LHFPL4: variants seen among roughly 807,000 people sequenced by gnomAD.
LHFPL4 encodes the protein LHFPL tetraspan subfamily member 4, also known as LHFPL tetraspan subfamily member 4 protein.
A neutral mutation model predicts 20.0 loss-of-function variants in LHFPL4; 6 were observed. The observed-to-expected ratio is 0.30, with a 90% CI of 0.16 to 0.59. The LOEUF is 0.59. Ranked by LOEUF, LHFPL4 falls within the 20% of genes least tolerant of loss-of-function variation. LHFPL4 has a pLI of 0.88. For synonymous variants in LHFPL4, 129 were observed against 143.8 expected (o/e 0.90, Z 0.74); for missense variants, 215 against 331.2 (o/e 0.65, Z 2.72).
At chr3:9,524,666 G>T (rs7632495) in intron 2 of LHFPL4, among the ~76,000 whole-genome samples, 1 of 152,014 alleles carries the variant, frequency 6.6e-6, no homozygotes, top group East Asian at 1.9e-4. Context: ...TAATTTATTT[G>T]TCAGAGCCAT....
Position 9,498,488 on chromosome 3 carries a change from C to G in LHFPL4, c.*3723G>C, listed in dbSNP as rs571977528. The G allele has an allele frequency of 6.5e-6, 1 of 152,886 alleles. No individual in the cohort carries two copies. Among genetic ancestry groups the G allele is most frequent in the East Asian group, 1.9e-4 (1 of 5,186 alleles). 9.5% of individuals were successfully genotyped at this position (152,886 alleles called of 1,614,324 possible). A position where few individuals can be genotyped will look rare whatever the true frequency, so the allele number is the denominator to read the frequency against. On this transcript the variant is annotated 3_prime_UTR_variant, in exon 4 of 4. Transcript: ENST00000287585. ...AATTAGACAATGAACAGCGAGGACA[C>G]ACTCAGACAAAACTTACTAATGGGG...
Position 9,502,095 on chromosome 3 carries a change from G to T in LHFPL4, c.*116C>A. 1.3e-6 allele frequency: 1 copy of T among 753,662 alleles called. No homozygotes were observed. Among genetic ancestry groups the T allele is most frequent in the Non-Finnish European group, 2.3e-6 (1 of 430,234 alleles). The allele number at this position is 753,662 out of a possible 1,614,324, so 46.7% of individuals were successfully genotyped here. On this transcript the variant is annotated 3_prime_UTR_variant, in exon 4 of 4. Transcript: ENST00000287585. ...AAAGCCTGGAGCTTGCAGGGTAGTCGGTGAGAAGTAAGTCTGAGATCAGGG... is the reference window on the plus strand; with the variant it reads ...AAAGCCTGGAGCTTGCAGGGTAGTCTGTGAGAAGTAAGTCTGAGATCAGGG...
At chr3:9,551,636 G>C (rs1383984356) in intron 2 of LHFPL4, among the ~76,000 whole-genome samples, 4 of 152,142 alleles carry the variant, frequency 2.6e-5, no homozygotes. Context: ...TGGGAGTGGG[G>C]ATGGAGACCT....
chr3:9,504,830 A>AG (rs1321186689), intron 3 of LHFPL4, among the ~76,000 whole-genome samples: 1 of 151,686 alleles, frequency 6.6e-6, no homozygotes, highest in East Asian at 1.9e-4. Context: ...ATCTCAAAAA[A>AG]AAAAAAATAC....
At chr3:9,502,370 G>GAATGCCCA in intron 3 of LHFPL4, 59 bp from the exon 4 acceptor site, 1 of 1,292,134 alleles carries the variant, frequency 7.7e-7, no homozygotes, top group Non-Finnish European at 1.1e-6. Context: ...GAGGCTGCCT[G>GAATGCCCA]GGCATTCAGG....
chr3:9,530,641 C>T (rs1021108390), intron 2 of LHFPL4, among the ~76,000 whole-genome samples: 5 of 152,188 alleles, frequency 3.3e-5, no homozygotes, highest in Non-Finnish European at 5.9e-5. Flanking sequence ...CATTCAAGAA[C>T]TTTTCCTTTG....
rs2046564251 is a variant in LHFPL4 at position 9,552,714 on chromosome 3, T to G, written c.-35A>C. 2.4e-6 allele frequency: 3 copies of G among 1,232,268 alleles called. No individual in the cohort carries two copies. Among genetic ancestry groups the G allele is most frequent in the Non-Finnish European group, 3.1e-6 (3 of 980,448 alleles). The allele number at this position is 1,232,268 out of a possible 1,614,324, so 76.3% of individuals were successfully genotyped here. On this transcript the variant is annotated 5_prime_UTR_variant, in exon 2 of 4. Coordinates refer to ENST00000287585, the MANE Select transcript of LHFPL4 (RefSeq NM_198560.3). ...AGGCGGGGCCGGCGGCGGCGGCGGC[T>G]GGCGGGGGCCGCCGGCCCGGGACGG...
intron 2 of LHFPL4, among the ~76,000 whole-genome samples, chr3:9,512,337 G>A (rs1248819604): frequency 6.6e-6 from 1 of 152,206 alleles, no homozygotes; most frequent in Non-Finnish European, 1.5e-5. Context: ...GCTTCTGTGA[G>A]AATCAAATGG....
intron 2 of LHFPL4, among the ~76,000 whole-genome samples, chr3:9,515,442 C>T (rs2046293135): frequency 6.6e-6 from 1 of 152,166 alleles, no homozygotes; most frequent in African/African-American, 2.4e-5. Flanking sequence ...GGTGCAGTCT[C>T]AGCTCACTGC....
intron 2 of LHFPL4, among the ~76,000 whole-genome samples, chr3:9,536,211 G>T (rs1039691487): frequency 2.0e-5 from 3 of 152,208 alleles, no homozygotes; most frequent in Non-Finnish European, 2.9e-5. Context: ...GTGGGTTGGA[G>T]ATGCCTGTCC....
intron 2 of LHFPL4, among the ~76,000 whole-genome samples, chr3:9,520,949 G>C (rs2046333278): frequency 6.6e-6 from 1 of 152,082 alleles, no homozygotes; most frequent in Non-Finnish European, 1.5e-5. Flanking sequence ...GTTGAGTTCA[G>C]CTATGTCCTT....
intron 2 of LHFPL4, among the ~76,000 whole-genome samples, chr3:9,533,714 G>A (rs189196189): frequency 1.6e-4 from 25 of 152,224 alleles, no homozygotes; most frequent in Middle Eastern, 3.4e-3. Context: ...CCTGGGAAGC[G>A]GAGCTTGCAG....
Position 9,506,248 on chromosome 3 carries a change from G to A in LHFPL4, c.407-45C>T. On this transcript the variant is annotated intron_variant, in intron 2 of 3. Coordinates refer to ENST00000287585, the MANE Select transcript of LHFPL4 (RefSeq NM_198560.3). The surrounding 1 kb of genome is among the most constrained non-coding windows in gnomAD (Gnocchi z 4.5). Reference sequence around the variant, plus strand: ...GCCCACCACCACGGTCAGGAAGGAAGAGAAAAGACCATTACTCGCTAGTGT... The same window carrying A: ...GCCCACCACCACGGTCAGGAAGGAAAAGAAAAGACCATTACTCGCTAGTGT... 1 of 1,512,374 alleles carries A rather than the reference G, an allele frequency of 6.6e-7. No homozygotes were observed. Among genetic ancestry groups the A allele is most frequent in the Non-Finnish European group, 9.2e-7 (1 of 1,088,192 alleles). 93.7% of individuals were successfully genotyped at this position (1,512,374 alleles called of 1,614,324 possible). A position where few individuals can be genotyped will look rare whatever the true frequency, so the allele number is the denominator to read the frequency against.
rs1295604965 is a variant in LHFPL4 at position 9,498,965 on chromosome 3, T to G, written c.*3246A>C. On this transcript the variant is annotated 3_prime_UTR_variant, in exon 4 of 4. Coordinates refer to ENST00000287585, the MANE Select transcript of LHFPL4 (RefSeq NM_198560.3). ...CCCAGAAGGACTCAACTGACCAGAC[T>G]GTGGGCCAGGGACTGAACCACCCCT... 6.6e-6 allele frequency: 1 copy of G among 152,338 alleles called. No homozygotes were observed. Among genetic ancestry groups the G allele is most frequent in the African/African-American group, 2.4e-5 (1 of 41,444 alleles). The allele number at this position is 152,338 out of a possible 1,614,324, so 9.4% of individuals were successfully genotyped here.
rs545466880 is a variant in LHFPL4 at position 9,506,626 on chromosome 3, G to A, written c.407-423C>T. Among the ~76,000 whole-genome samples, 1 of 151,822 alleles carries A rather than the reference G, an allele frequency of 6.6e-6. No individual in the cohort carries two copies. The highest frequency in any genetic ancestry group is 6.6e-5 in the Admixed American group (1 of 15,228). On this transcript the variant is annotated intron_variant, in intron 2 of 3. Coordinates refer to ENST00000287585, the MANE Select transcript of LHFPL4 (RefSeq NM_198560.3). This position sits in a 1 kb window ranked among gnomAD's most constrained non-coding sequence, Gnocchi z 4.5. ...GACGGAGTCTCGCTCTGTTGCCCAGGGTGGAGTGCAATGGCGTGATCTCGG... is the reference window on the plus strand; with the variant it reads ...GACGGAGTCTCGCTCTGTTGCCCAGAGTGGAGTGCAATGGCGTGATCTCGG...
Position 9,501,848 on chromosome 3 carries a change from C to T in LHFPL4, c.*363G>A, listed in dbSNP as rs1355385696. 2 of 237,402 alleles carry T rather than the reference C, an allele frequency of 8.4e-6. No individual in the cohort carries two copies. Among genetic ancestry groups the T allele is most frequent in the Non-Finnish European group, 1.6e-5 (2 of 122,538 alleles). 14.7% of individuals were successfully genotyped at this position (237,402 alleles called of 1,614,324 possible). A position where few individuals can be genotyped will look rare whatever the true frequency, so the allele number is the denominator to read the frequency against. ...GGTGCGGATACAGCCAGGCGGCAGC[C>T]CTCCAGACTGAGGGGGCCTGGGGAG... On this transcript the variant is annotated 3_prime_UTR_variant, in exon 4 of 4. Transcript: ENST00000287585.
At chr3:9,510,608 GTTAATATTT>G (rs2046251548) in intron 2 of LHFPL4, among the ~76,000 whole-genome samples, 2 of 151,966 alleles carry the variant, frequency 1.3e-5, no homozygotes, top group South Asian at 4.1e-4. Context: ...GATGAACAAT[GTTAATATTT>G]TTAATATTGT....
chr3:9,513,413 C>T (rs2046275393), intron 2 of LHFPL4, among the ~76,000 whole-genome samples: 1 of 152,088 alleles, frequency 6.6e-6, no homozygotes, highest in Non-Finnish European at 1.5e-5. Flanking sequence ...CTCACTGCGT[C>T]CTCGAACTCC....
At chr3:9,509,040 G>A (rs2046239600) in intron 2 of LHFPL4, among the ~76,000 whole-genome samples, 1 of 152,166 alleles carries the variant, frequency 6.6e-6, no homozygotes, top group South Asian at 2.1e-4. Flanking sequence ...CGTGGAAACC[G>A]GGCCTGCATC....
Sources: gnomAD v4.1 joint callset for allele counts (sites outside exome capture counted in the v4.1 genomes callset) on GRCh38, gnomAD v4.1.1 for gene constraint, Gnocchi (gnomAD v3.1) non-coding constraint, MANE v1.5 for transcripts, NCBI Gene and HGNC (gene_info 2026-07-23, HGNC 2026-07-21) for gene names.